The following UBQLN1 variants were observed in gnomAD, a reference collection of about 807,000 sequenced individuals.
UBQLN1 encodes the protein ubiquilin-1.
Under a neutral mutation model 65.4 loss-of-function variants are expected in UBQLN1, and 13 were observed. That is an observed-to-expected ratio of 0.20 (90% CI 0.13 to 0.32). UBQLN1 has a LOEUF of 0.32. Ranked by LOEUF, UBQLN1 falls within the 10% of genes least tolerant of loss-of-function variation. The pLI, the probability that UBQLN1 is intolerant of heterozygous loss-of-function variation, is 1.00. For missense variants in UBQLN1, 561 were observed against 724.0 expected (o/e 0.77, Z 2.58); for synonymous variants, 267 against 247.8 (o/e 1.08, Z -0.73).
chr9:83,693,275 CAT>C (rs1435593231), intron 1 of UBQLN1, among the ~76,000 whole-genome samples: 7 of 152,204 alleles, frequency 4.6e-5, no homozygotes, highest in Admixed American at 2.0e-4. Flanking sequence ...AGGTGTTGCA[CAT>C]GAGTGGATTC....
rs765854569 is a variant in UBQLN1 at position 83,677,826 on chromosome 9, T to G, written c.1006A>C (p.Ser336Arg). ...CCACCCACAGTGCTGGCAGTGCCGCTGGAAGCTGATGAACTCTGGGAAGTC... is the reference window on the plus strand; with the variant it reads ...CCACCCACAGTGCTGGCAGTGCCGCGGGAAGCTGATGAACTCTGGGAAGTC... Reference protein sequence around the residue: ...PQTSQSSSASSGTASTVGGTT... With the variant: ...PQTSQSSSASRGTASTVGGTT... The change falls in exon 6 of 11, where the codon AGC becomes CGC. Residue 336 changes from serine to arginine, a missense_variant. By Grantham distance (110) the Ser-to-Arg change is moderately radical. Coordinates refer to ENST00000376395, the MANE Select transcript of UBQLN1 (RefSeq NM_013438.5). 1.9e-6 allele frequency: 3 copies of G among 1,613,948 alleles called. No individual in the cohort carries two copies. The highest frequency in any genetic ancestry group is 2.5e-6 in the Non-Finnish European group (3 of 1,180,014).
chr9:83,672,881 G>A (rs1831757131), intron 6 of UBQLN1, among the ~76,000 whole-genome samples: 1 of 152,220 alleles, frequency 6.6e-6, no homozygotes, highest in Non-Finnish European at 1.5e-5. Context: ...ATAACAGCCT[G>A]CAGGACAAAT....
At chr9:83,691,434 C>T (rs1326738659) in intron 1 of UBQLN1, among the ~76,000 whole-genome samples, 1 of 152,158 alleles carries the variant, frequency 6.6e-6, no homozygotes, top group Non-Finnish European at 1.5e-5. Flanking sequence ...ATATAGCTCA[C>T]TTGAACCTCT....
intron 1 of UBQLN1, among the ~76,000 whole-genome samples, chr9:83,698,912 CA>C (rs34821277): frequency 0.056 from 6,373 of 113,310 alleles, 403 homozygotes; most frequent in African/African-American, 0.17. Flanking sequence ...AGACCTGTCT[CA>C]AAAAAAAAAA....
intron 1 of UBQLN1, among the ~76,000 whole-genome samples, chr9:83,690,685 G>A (rs536747066): frequency 3.1e-4 from 47 of 151,504 alleles, no homozygotes; most frequent in Non-Finnish European, 5.6e-4. Context: ...AGTGAGCTAC[G>A]ATCGTGCCAC....
At chr9:83,676,658 C>A (rs373550475) in intron 6 of UBQLN1, among the ~76,000 whole-genome samples, 2 of 152,144 alleles carry the variant, frequency 1.3e-5, no homozygotes, top group African/African-American at 4.8e-5. Context: ...TCATTAATTA[C>A]TCTTCTCATT....
intron 9 of UBQLN1, among the ~76,000 whole-genome samples, chr9:83,664,634 C>T (rs1291329355): frequency 1.3e-5 from 2 of 151,836 alleles, no homozygotes; most frequent in South Asian, 2.1e-4. Context: ...GGGGGAGAAC[C>T]AGGTGCTATG....
intron 1 of UBQLN1, 117 bp downstream of exon 1, chr9:83,707,383 C>G: frequency 3.4e-6 from 4 of 1,164,406 alleles, no homozygotes; most frequent in Non-Finnish European, 4.7e-6. Context: ...TGGGACGACG[C>G]CCGGGAGAAT....
At chr9:83,707,330 G>A (rs1191774042) in intron 1 of UBQLN1, among the ~76,000 whole-genome samples, 170 bp downstream of exon 1, 1 of 152,194 alleles carries the variant, frequency 6.6e-6, no homozygotes, top group African/African-American at 2.4e-5. Flanking sequence ...AACCATTGCG[G>A]TGTCCCAAGG....
Position 83,666,274 on chromosome 9 carries a change from G to A in UBQLN1, c.1332+76C>T, listed in dbSNP as rs1005200784. On this transcript the variant is annotated intron_variant, in intron 8 of 10. Coordinates refer to ENST00000376395, the MANE Select transcript of UBQLN1 (RefSeq NM_013438.5). ...ATGTTTTGCTATCAGCCAGAGAAGA[G>A]CAAGGAAAAATGTTTATCATCAAAT... 1.2e-5 allele frequency: 17 copies of A among 1,418,296 alleles called. No individual in the cohort carries two copies. The South Asian group carries it at 1.9e-4, about 15-fold the overall frequency. The allele number at this position is 1,418,296 out of a possible 1,614,324, so 87.9% of individuals were successfully genotyped here.
chr9:83,679,144 C>A (rs962231440), intron 4 of UBQLN1, among the ~76,000 whole-genome samples: 1 of 152,180 alleles, frequency 6.6e-6, no homozygotes, highest in African/African-American at 2.4e-5. Context: ...GCCAGTTTCC[C>A]CCCCAAAACC....
At chr9:83,702,830 T>G (rs1424531035) in intron 1 of UBQLN1, among the ~76,000 whole-genome samples, 1 of 152,174 alleles carries the variant, frequency 6.6e-6, no homozygotes, top group Non-Finnish European at 1.5e-5. Flanking sequence ...AGTTGCCTTA[T>G]CAAAGAAAGG....
At chr9:83,665,230 G>T in intron 8 of UBQLN1, 85 bp from the exon 9 acceptor site, 1 of 1,024,490 alleles carries the variant, frequency 9.8e-7, no homozygotes, top group African/African-American at 1.6e-5. Flanking sequence ...TTATGCTTCT[G>T]GAGAAAATCT....
At chr9:83,666,796 G>T in intron 7 of UBQLN1, 1 of 182,204 alleles carries the variant, frequency 5.5e-6, no homozygotes, top group African/African-American at 2.3e-5. Flanking sequence ...TACTACACTG[G>T]CAGAATAAAC....
At chr9:83,676,395 G>A (rs190531351) in intron 6 of UBQLN1, among the ~76,000 whole-genome samples, 1 of 152,146 alleles carries the variant, frequency 6.6e-6, no homozygotes, top group African/African-American at 2.4e-5. Context: ...TCATGGTAAA[G>A]GGAAAGAAAA....
chr9:83,688,634 C>A (rs1832078009), intron 1 of UBQLN1, among the ~76,000 whole-genome samples: 1 of 151,734 alleles, frequency 6.6e-6, no homozygotes, highest in South Asian at 2.1e-4. Flanking sequence ...GAGGCCGAGG[C>A]GGGCAGATGA....
At position 83,685,985 on chromosome 9, in the gene UBQLN1, A is replaced by G. The variant is rs368661799; in HGVS notation, c.332+19T>C. ...CATTTATCCACAATTTTAAAGCTGT[A>G]CATCTTCCAAAACCATACCTGTTTT... is the stretch of plus-strand genomic sequence containing the variant. On this transcript the variant is annotated intron_variant, in intron 2 of 10. Coordinates refer to ENST00000376395, the MANE Select transcript of UBQLN1 (RefSeq NM_013438.5). 1.9e-6 allele frequency: 3 copies of G among 1,589,146 alleles called. No individual in the cohort carries two copies. The highest frequency in any genetic ancestry group is 2.7e-5 in the African/African-American group (2 of 72,814).
Position 83,667,523 on chromosome 9 carries a change from G to A in UBQLN1, c.1249-1090C>T. ...TCAGACAACCTTTCAGGAACATACA[G>A]TATTTATTTCAAAGTGACCAGTAAG... is the stretch of plus-strand genomic sequence containing the variant. On this transcript the variant is annotated intron_variant, in intron 7 of 10. Transcript: ENST00000376395. 9 of 985,378 alleles carry A rather than the reference G, an allele frequency of 9.1e-6. No homozygotes were observed. In the South Asian group the frequency reaches 3.8e-4, roughly 41 times the overall value. The allele number at this position is 985,378 out of a possible 1,614,324, so 61.0% of individuals were successfully genotyped here. A position where few individuals can be genotyped will look rare whatever the true frequency, so the allele number is the denominator to read the frequency against.
At chr9:83,682,452 C>G (rs974426973) in intron 3 of UBQLN1, among the ~76,000 whole-genome samples, 1 of 151,770 alleles carries the variant, frequency 6.6e-6, no homozygotes, top group African/African-American at 2.4e-5. Context: ...GCACTCTAGC[C>G]TCCGTGACTG....
Sources: allele counts gnomAD v4.1 joint callset (sites outside exome capture counted in the v4.1 genomes callset), GRCh38; gene constraint gnomAD v4.1.1; transcripts MANE v1.5; gene names NCBI Gene and HGNC (gene_info 2026-07-23, HGNC 2026-07-21).